The following KLRG1 variants were observed in gnomAD, a reference collection of about 807,000 sequenced individuals.
The protein encoded by KLRG1 is killer cell lectin like receptor G1, also known as killer cell lectin-like receptor subfamily G member 1.
Under a neutral mutation model 21.8 loss-of-function variants are expected in KLRG1, and 16 were observed. The ratio of observed to expected loss-of-function variants is 0.73; its 90% CI spans 0.50 to 1.11. The LOEUF is 1.11. Ranked by LOEUF, KLRG1 falls within the 50% of genes most tolerant of loss-of-function variation. The pLI, the probability that KLRG1 is intolerant of heterozygous loss-of-function variation, is 0.00. For missense variants in KLRG1, 173 were observed against 218.3 expected, an observed-to-expected ratio of 0.79 and a Z score of 1.31; for synonymous variants, 69 against 75.9, an observed-to-expected ratio of 0.91 and a Z score of 0.47.
chr12:8,968,662 C>T (rs1339418330), intron 1 of KLRG1, among the ~76,000 whole-genome samples: 1 of 152,148 alleles, frequency 6.6e-6, no homozygotes, highest in Admixed American at 6.5e-5. Context: ...AATGTACATT[C>T]TTTTCCAGTG....
chr12:9,078,269 C>T, the KLRG1 span, among the ~76,000 whole-genome samples: 4 of 112,694 alleles, frequency 3.5e-5, no homozygotes, highest in Non-Finnish European at 7.2e-5. Context: ...TTAACTCCCA[C>T]TTATGAGTGA....
chr12:8,953,055 C>T (rs370228647), intron 1 of KLRG1, among the ~76,000 whole-genome samples: 1 of 152,018 alleles, frequency 6.6e-6, no homozygotes, highest in Non-Finnish European at 1.5e-5. Context: ...ACACCCCCCC[C>T]CCGCAAAACC....
chr12:8,954,606 C>CT (rs920347845), intron 1 of KLRG1, among the ~76,000 whole-genome samples: 27 of 151,902 alleles, frequency 1.8e-4, no homozygotes, highest in Non-Finnish European at 3.7e-4. Context: ...GGTCTTGGTT[C>CT]TTTTAGTGGA....
chr12:9,141,730 T>C, the KLRG1 span, among the ~76,000 whole-genome samples: 1 of 152,334 alleles, frequency 6.6e-6, no homozygotes, highest in East Asian at 1.9e-4. Flanking sequence ...AACTGTTTTT[T>C]CAATAGTCTT....
At chr12:9,031,074 T>A in the KLRG1 span, among the ~76,000 whole-genome samples, 13 of 152,124 alleles carry the variant, frequency 8.5e-5, no homozygotes, top group Admixed American at 6.5e-5. Context: ...TAGAATTAAT[T>A]TTTGTTGGGG....
At chr12:9,173,118 A>G in the KLRG1 span, among the ~76,000 whole-genome samples, 1 of 152,246 alleles carries the variant, frequency 6.6e-6, no homozygotes, top group South Asian at 2.1e-4. Context: ...TGAAATCATA[A>G]CAGTCTTTCA....
the KLRG1 span, among the ~76,000 whole-genome samples, chr12:9,131,788 A>T: frequency 1.3e-5 from 2 of 151,674 alleles, no homozygotes; most frequent in African/African-American, 4.8e-5. Context: ...GTTTATATAC[A>T]TATATATACA....
chr12:9,011,492 A>G (rs1488907299), downstream of KLRG1, among the ~76,000 whole-genome samples: 1 of 152,220 alleles, frequency 6.6e-6, no homozygotes, highest in African/African-American at 2.4e-5. Context: ...TTGGAATAGG[A>G]CATTTATTAA....
the KLRG1 span, among the ~76,000 whole-genome samples, chr12:9,159,083 G>T: frequency 6.6e-6 from 1 of 152,040 alleles, no homozygotes; most frequent in Non-Finnish European, 1.5e-5. Flanking sequence ...AGAGAGAAAG[G>T]ATATCATCTA....
At chr12:9,092,112 G>A in the KLRG1 span, among the ~76,000 whole-genome samples, 1 of 152,168 alleles carries the variant, frequency 6.6e-6, no homozygotes, top group Non-Finnish European at 1.5e-5. Flanking sequence ...CCTGCACTGG[G>A]AAGCAGAAGG....
At chr12:9,203,943 A>G in the KLRG1 span, 2 of 1,610,358 alleles carry the variant, frequency 1.2e-6, no homozygotes, top group South Asian at 2.2e-5. Flanking sequence ...GACCAGCACC[A>G]TATACTGCCT....
chr12:8,993,553 G>T (rs182398446), intron 2 of KLRG1, among the ~76,000 whole-genome samples: 1 of 152,254 alleles, frequency 6.6e-6, no homozygotes, highest in African/African-American at 2.4e-5. Context: ...CTCCCCAAGT[G>T]CTGGGATTAC....
chr12:9,215,391 C>G, the KLRG1 span, among the ~76,000 whole-genome samples: 1 of 151,408 alleles, frequency 6.6e-6, no homozygotes, highest in Admixed American at 6.6e-5. Flanking sequence ...ATTACTAGGA[C>G]TGAAAAAAAA....
chr12:8,971,592 GCGAT>G (rs1946569428), intron 1 of KLRG1, among the ~76,000 whole-genome samples: 1 of 118,692 alleles, frequency 8.4e-6, no homozygotes, highest in African/African-American at 3.5e-5. Context: ...CCAGGTTCAA[GCGAT>G]TCTCCTGCCT....
At chr12:9,113,248 A>G in the KLRG1 span, 11 of 1,016,032 alleles carry the variant, frequency 1.1e-5, no homozygotes, top group Middle Eastern at 2.1e-4. Flanking sequence ...CTACATTTGG[A>G]TTCCTTCCTG....
the KLRG1 span, chr12:9,098,613 C>T: frequency 6.3e-4 from 1,004 of 1,599,906 alleles, 7 homozygotes; most frequent in African/African-American, 0.011. Context: ...TCACCGAGGA[C>T]GCCGAGAGCT....
the KLRG1 span, chr12:9,109,177 A>G: frequency 6.5e-6 from 4 of 616,800 alleles, no homozygotes; most frequent in South Asian, 8.4e-5. Flanking sequence ...CAACAGGAGA[A>G]TAACATTCTA....
chr12:9,125,368 ATGCAGGACAAGAGC>A, the KLRG1 span, among the ~76,000 whole-genome samples: 1 of 152,314 alleles, frequency 6.6e-6, no homozygotes, highest in East Asian at 1.9e-4. Flanking sequence ...TTCTTCCTGG[ATGCAGGACAAGAGC>A]TTGTCGCCAG....
At chr12:9,047,665 C>T in the KLRG1 span, among the ~76,000 whole-genome samples, 3 of 151,896 alleles carry the variant, frequency 2.0e-5, no homozygotes, top group African/African-American at 7.3e-5. Context: ...ACAAAAAACT[C>T]ACTGTAAATA....
Sources: gnomAD v4.1 joint callset for allele counts (sites outside exome capture counted in the v4.1 genomes callset) on GRCh38, gnomAD v4.1.1 for gene constraint, MANE v1.5 for transcripts, NCBI Gene and HGNC (gene_info 2026-07-23, HGNC 2026-07-21) for gene names.